DGKG: variants seen among roughly 807,000 people sequenced by gnomAD.
The protein encoded by DGKG is diacylglycerol kinase gamma, also known as DAG kinase gamma.
A neutral mutation model predicts 105.3 loss-of-function variants in DGKG; 78 were observed. The observed-to-expected ratio is 0.74, with a 90% CI of 0.62 to 0.89. The LOEUF is 0.89. DGKG is among the 40% of genes least tolerant of loss of function. The pLI, the probability that DGKG is intolerant of heterozygous loss-of-function variation, is 0.00. For missense variants in DGKG, 958 were observed against 1,020.1 expected (o/e 0.94, Z 0.83); for synonymous variants, 346 against 367.1 (o/e 0.94, Z 0.66).
chr3:186,341,149 G>C (rs1411778877), intron 1 of DGKG, among the ~76,000 whole-genome samples: 1 of 152,252 alleles, frequency 6.6e-6, no homozygotes, highest in Non-Finnish European at 1.5e-5. Flanking sequence ...CTTGGGAATA[G>C]GGATAATGTT....
chr3:186,289,368 C>T (rs540329921), intron 5 of DGKG, among the ~76,000 whole-genome samples: 67 of 152,198 alleles, frequency 4.4e-4, no homozygotes, highest in African/African-American at 1.3e-3. Context: ...TGATAATTAA[C>T]GAATCTCCAG....
intron 20 of DGKG, among the ~76,000 whole-genome samples, chr3:186,238,756 C>G (rs1045011282): frequency 6.6e-6 from 1 of 152,194 alleles, no homozygotes; most frequent in Non-Finnish European, 1.5e-5. Context: ...TCATACATGG[C>G]TCGTATTCCT....
intron 16 of DGKG, among the ~76,000 whole-genome samples, chr3:186,259,820 C>G (rs1395819573): frequency 6.6e-6 from 1 of 152,136 alleles, no homozygotes; most frequent in Non-Finnish European, 1.5e-5. Flanking sequence ...CACCATTAGC[C>G]GCAGACACAG....
At chr3:186,199,494 C>T (rs1718345064) in intron 21 of DGKG, among the ~76,000 whole-genome samples, 3 of 152,088 alleles carry the variant, frequency 2.0e-5, no homozygotes, top group African/African-American at 7.2e-5. Flanking sequence ...CTTCACAACC[C>T]TACAATGTCA....
At chr3:186,261,590 G>T in intron 15 of DGKG, 109 bp downstream of exon 15, 1 of 797,310 alleles carries the variant, frequency 1.3e-6, no homozygotes, top group Non-Finnish European at 2.1e-6. Flanking sequence ...TGGCAGTGCT[G>T]GGATTTGAGT....
At chr3:186,303,299 C>T (rs1375618837) in intron 3 of DGKG, among the ~76,000 whole-genome samples, 1 of 152,176 alleles carries the variant, frequency 6.6e-6, no homozygotes, top group African/African-American at 2.4e-5. Flanking sequence ...GATGACCAAC[C>T]ACTATGAGGC....
chr3:186,259,365 T>C (rs1721641721), intron 16 of DGKG, among the ~76,000 whole-genome samples: 2 of 152,228 alleles, frequency 1.3e-5, no homozygotes, highest in South Asian at 4.1e-4. Context: ...TCAGCAGTGA[T>C]GGCAATCACG....
chr3:186,166,627 ATGTGTGTGTG>A (rs5855082), intron 22 of DGKG, among the ~76,000 whole-genome samples: 1 of 149,808 alleles, frequency 6.7e-6, no homozygotes, highest in Admixed American at 6.7e-5. Flanking sequence ...TGGGCTATAA[ATGTGTGTGTG>A]TGTGTGTGTG....
chr3:186,293,379 T>C (rs1243342057), intron 5 of DGKG, among the ~76,000 whole-genome samples: 1 of 152,216 alleles, frequency 6.6e-6, no homozygotes, highest in Non-Finnish European at 1.5e-5. Context: ...CTTTTATAAT[T>C]TGGAAAAACT....
intron 11 of DGKG, among the ~76,000 whole-genome samples, chr3:186,269,512 G>A (rs2108582861): frequency 6.6e-6 from 1 of 152,338 alleles, no homozygotes; most frequent in East Asian, 1.9e-4. Flanking sequence ...CCACAATTGG[G>A]TAATGCCCTT....
chr3:186,205,206 G>A (rs1286334995), intron 21 of DGKG, among the ~76,000 whole-genome samples: 5 of 146,484 alleles, frequency 3.4e-5, no homozygotes, highest in Admixed American at 7.0e-5. Context: ...GCAGTGAGCC[G>A]AGATTGTGCC....
At chr3:186,155,427 C>T (rs1161490008) in intron 24 of DGKG, among the ~76,000 whole-genome samples, 2 of 152,082 alleles carry the variant, frequency 1.3e-5, no homozygotes, top group Non-Finnish European at 1.5e-5. Flanking sequence ...CTCCTGACCT[C>T]GTGATCTGCC....
intron 1 of DGKG, among the ~76,000 whole-genome samples, chr3:186,348,256 A>T (rs1726439853): frequency 6.6e-6 from 1 of 151,940 alleles, no homozygotes; most frequent in Non-Finnish European, 1.5e-5. Flanking sequence ...CACAGCTTTG[A>T]TATCACATCT....
chr3:186,326,264 T>C (rs376050014), intron 1 of DGKG, among the ~76,000 whole-genome samples: 1 of 152,042 alleles, frequency 6.6e-6, no homozygotes, highest in East Asian at 1.9e-4. Context: ...TGGTGGTACA[T>C]GCCTGTAGTC....
At chr3:186,313,234 C>A (rs1382694006) in intron 2 of DGKG, among the ~76,000 whole-genome samples, 1 of 152,158 alleles carries the variant, frequency 6.6e-6, no homozygotes, top group Non-Finnish European at 1.5e-5. Flanking sequence ...GTATTCCAAG[C>A]CTTCCATGTG....
At chr3:186,188,435 A>G in intron 21 of DGKG, 56 bp from the exon 22 acceptor site, 1 of 1,574,652 alleles carries the variant, frequency 6.4e-7, no homozygotes, top group Non-Finnish European at 8.7e-7. Context: ...TCACAACCCA[A>G]GGTGCTCTGT....
chr3:186,197,752 G>T (rs932688729), intron 21 of DGKG, among the ~76,000 whole-genome samples: 3 of 152,140 alleles, frequency 2.0e-5, no homozygotes, highest in Non-Finnish European at 4.4e-5. Context: ...CCTGAATTCT[G>T]CATAGAGGCC....
chr3:186,241,430 G>A (rs921690206), intron 20 of DGKG, among the ~76,000 whole-genome samples: 10 of 152,100 alleles, frequency 6.6e-5, no homozygotes, highest in Admixed American at 6.6e-5. Flanking sequence ...GTGCACGCCT[G>A]TAGTCCCAGC....
At chr3:186,355,824 G>A (rs1160501140) in intron 1 of DGKG, among the ~76,000 whole-genome samples, 4 of 152,140 alleles carry the variant, frequency 2.6e-5, no homozygotes, top group African/African-American at 9.7e-5. Flanking sequence ...TTTAAAATGG[G>A]AAAATTTATA....
Sources: gnomAD v4.1 joint callset for allele counts (sites outside exome capture counted in the v4.1 genomes callset) on GRCh38, gnomAD v4.1.1 for gene constraint, MANE v1.5 for transcripts, NCBI Gene and HGNC (gene_info 2026-07-23, HGNC 2026-07-21) for gene names.